The following SETD3 variants were observed in gnomAD, a reference collection of about 807,000 sequenced individuals.
The protein encoded by SETD3 is actin-histidine N-methyltransferase.
In SETD3, 19 loss-of-function variants were observed where a neutral mutation model predicts 63.0. The observed-to-expected ratio is 0.30, with a 90% CI of 0.21 to 0.44. The LOEUF is 0.44. SETD3 is among the 20% of genes least tolerant of loss of function. The probability of loss-of-function intolerance (pLI) is 1.00; values close to 1 mark genes in which losing one functional copy is unlikely to be tolerated. For synonymous variants in SETD3, 286 were observed against 264.1 expected (o/e 1.08, Z -0.80); for missense variants, 587 against 728.5 (o/e 0.81, Z 2.24).
chr14:99,478,942 T>C (rs1896113675), intron 1 of SETD3, among the ~76,000 whole-genome samples: 3 of 152,246 alleles, frequency 2.0e-5, no homozygotes, highest in African/African-American at 7.2e-5. Flanking sequence ...ATTTAAAATG[T>C]GGCCTAAATG....
chr14:99,481,674 G>C (rs1896328308), upstream of SETD3: 2 of 387,772 alleles, frequency 5.2e-6, no homozygotes, highest in African/African-American at 4.1e-5. Flanking sequence ...GAGAGGGTCT[G>C]AGGCGCCGGG....
intron 6 of SETD3, among the ~76,000 whole-genome samples, chr14:99,422,523 T>C (rs1892645140): frequency 6.6e-6 from 1 of 152,196 alleles, no homozygotes; most frequent in Admixed American, 6.5e-5. Context: ...GAATGAGCTC[T>C]AGGGGTGCAC....
chr14:99,445,290 G>A (rs570744276), intron 6 of SETD3, among the ~76,000 whole-genome samples: 2 of 152,302 alleles, frequency 1.3e-5, no homozygotes, highest in East Asian at 3.9e-4. Flanking sequence ...ATCAGCACCA[G>A]CATTTCCGTT....
At chr14:99,431,653 G>C (rs550753194) in intron 6 of SETD3, among the ~76,000 whole-genome samples, 397 of 152,152 alleles carry the variant, frequency 2.6e-3, no homozygotes, top group Non-Finnish European at 4.5e-3. Context: ...ACCACGCCCA[G>C]CCAATTTTGT....
At position 99,463,594 on chromosome 14, in the gene SETD3, C is replaced by T. The variant is rs1294028718; in HGVS notation, c.104-16G>A. On this transcript the variant is annotated splice_polypyrimidine_tract_variant and intron_variant, in intron 2 of 12. Coordinates refer to ENST00000331768, the MANE Select transcript of SETD3 (RefSeq NM_032233.3). ...CTGCTGCATTCTGTAACATAAGAGG[C>T]ATGGTACTGAAACACTTCTCTCTTT... The T allele has an allele frequency of 5.0e-6, 8 of 1,595,670 alleles. No individual in the cohort carries two copies. The Admixed American group carries it at 1.3e-4, about 27-fold the overall frequency.
In SETD3 at chr14:99,458,142, GTATTT is replaced by G. The variant is rs766073062; in HGVS notation, c.675+132_675+136del. On this transcript the variant is annotated intron_variant, in intron 6 of 12. Coordinates refer to ENST00000331768, the MANE Select transcript of SETD3 (RefSeq NM_032233.3). The stretch of plus-strand genomic sequence containing the variant: ...TTTCTGTAAAAACAAACGATGAAAT[GTATTT>G]TATATTTTCAATTTAAAAAGTAAAA... 12 of 1,022,248 alleles carry G rather than the reference GTATTT, an allele frequency of 1.2e-5. No homozygotes were observed. In the Admixed American group the frequency reaches 1.4e-4, roughly 12 times the overall value. The allele number at this position is 1,022,248 out of a possible 1,614,324, so 63.3% of individuals were successfully genotyped here.
chr14:99,411,461 C>A (rs1332727975), intron 8 of SETD3: 2 of 152,262 alleles, frequency 1.3e-5, no homozygotes, highest in African/African-American at 4.8e-5. Context: ...GCGGCCTCAA[C>A]ACCATCAGGT....
At chr14:99,471,297 C>A (rs1895691069) in intron 1 of SETD3, among the ~76,000 whole-genome samples, 1 of 152,238 alleles carries the variant, frequency 6.6e-6, no homozygotes, top group South Asian at 2.1e-4. Flanking sequence ...TTGCTCCCAA[C>A]AGTGATTAAA....
intron 10 of SETD3, among the ~76,000 whole-genome samples, chr14:99,404,526 G>A (rs1891576401): frequency 1.3e-5 from 2 of 152,172 alleles, no homozygotes; most frequent in African/African-American, 4.8e-5. Context: ...CAGAATTGGA[G>A]ACCATCCTCA....
intron 4 of SETD3, among the ~76,000 whole-genome samples, chr14:99,460,553 C>G (rs1316852129): frequency 6.6e-6 from 1 of 152,038 alleles, no homozygotes; most frequent in East Asian, 1.9e-4. Context: ...AGGCCAAGTC[C>G]AGTTCCTTCT....
chr14:99,404,948 T>A (rs571996114), intron 10 of SETD3, among the ~76,000 whole-genome samples: 4 of 152,198 alleles, frequency 2.6e-5, no homozygotes, highest in Admixed American at 6.5e-5. Flanking sequence ...ACGAAAGTAG[T>A]TATTTAACTT....
At chr14:99,449,489 A>G (rs963074476) in intron 6 of SETD3, among the ~76,000 whole-genome samples, 3 of 152,244 alleles carry the variant, frequency 2.0e-5, no homozygotes, top group Non-Finnish European at 2.9e-5. Flanking sequence ...ATTTCAGTCT[A>G]CACATGATAA....
At chr14:99,401,747 GA>G (rs991007890) in intron 11 of SETD3, among the ~76,000 whole-genome samples, 2 of 152,274 alleles carry the variant, frequency 1.3e-5, no homozygotes, top group East Asian at 3.9e-4. Context: ...CTTAGTGGCT[GA>G]AAGTTCTTTT....
At chr14:99,473,104 A>G (rs960881826) in intron 1 of SETD3, among the ~76,000 whole-genome samples, 1 of 152,214 alleles carries the variant, frequency 6.6e-6, no homozygotes, top group Non-Finnish European at 1.5e-5. Context: ...GACAAGACAC[A>G]CTTTAGAAGA....
chr14:99,481,545 T>G (rs997089927), upstream of SETD3: 1 of 398,348 alleles, frequency 2.5e-6, no homozygotes, highest in Non-Finnish European at 4.4e-6. Context: ...CGGAGTAGGT[T>G]ATGGCCAACC....
intron 11 of SETD3, among the ~76,000 whole-genome samples, chr14:99,401,512 C>CA (rs1400192311): frequency 5.9e-5 from 9 of 152,160 alleles, no homozygotes; most frequent in Non-Finnish European, 1.5e-5. Context: ...AAAGATACAG[C>CA]AATTGTCTTG....
At chr14:99,482,467 A>T (rs184488423), upstream of SETD3, among the ~76,000 whole-genome samples, 51 of 152,346 alleles carry the variant, frequency 3.3e-4, 1 homozygote, top group East Asian at 8.7e-3. Context: ...TGGTAGTAGT[A>T]TTGATAGACA....
At chr14:99,461,990 G>T (rs997228049) in intron 3 of SETD3, among the ~76,000 whole-genome samples, 8 of 152,160 alleles carry the variant, frequency 5.3e-5, no homozygotes, top group Non-Finnish European at 8.8e-5. Context: ...TTTTTATGGG[G>T]TTATTTATGA....
upstream of SETD3, among the ~76,000 whole-genome samples, chr14:99,485,323 C>T (rs987929973): frequency 2.0e-5 from 3 of 152,160 alleles, no homozygotes; most frequent in African/African-American, 4.8e-5. Flanking sequence ...CACTGTTCCC[C>T]GTTCTGCCCC....
Sources: allele counts gnomAD v4.1 joint callset (sites outside exome capture counted in the v4.1 genomes callset), GRCh38; gene constraint gnomAD v4.1.1; transcripts MANE v1.5; gene names NCBI Gene and HGNC (gene_info 2026-07-23, HGNC 2026-07-21).